The following GATD1 variants were observed in gnomAD, a reference collection of about 807,000 sequenced individuals.
The protein encoded by GATD1 is glutamine amidotransferase-like class 1 domain-containing protein 1.
In GATD1, 23 loss-of-function variants were observed where a neutral mutation model predicts 25.9. The observed-to-expected ratio is 0.89, with a 90% CI of 0.64 to 1.26. The LOEUF is 1.26. Ranked by LOEUF, GATD1 falls within the 50% of genes most tolerant of loss-of-function variation. The probability of loss-of-function intolerance (pLI) is 0.00; values close to 1 mark genes in which losing one functional copy is unlikely to be tolerated. For synonymous variants in GATD1, 177 were observed against 134.6 expected (o/e 1.31, Z -2.18); for missense variants, 347 against 312.5 (o/e 1.11, Z -0.83).
chr11:771,934 G>A (rs1344856975), intron 5 of GATD1, among the ~76,000 whole-genome samples: 3 of 152,192 alleles, frequency 2.0e-5, no homozygotes, highest in South Asian at 2.1e-4. Flanking sequence ...ACCAGCCTCC[G>A]CACAGCAGCC....
In GATD1 at chr11:770,683, G is replaced by C. The variant is rs527263765; in HGVS notation, c.*214C>G. 1 of 1,425,250 alleles carries C rather than the reference G, an allele frequency of 7.0e-7. No individual in the cohort carries two copies. Among genetic ancestry groups the C allele is most frequent in the African/African-American group, 1.4e-5 (1 of 69,670 alleles). 88.3% of individuals were successfully genotyped at this position (1,425,250 alleles called of 1,614,324 possible). A position where few individuals can be genotyped will look rare whatever the true frequency, so the allele number is the denominator to read the frequency against. On this transcript the variant is annotated 3_prime_UTR_variant, in exon 8 of 8. Coordinates refer to ENST00000319863, the MANE Select transcript of GATD1 (RefSeq NM_182612.4). ...GGTCTTTTCTCTGCCTCCTACCAGA[G>C]AACATGCAGGAGGATGGGGGTTTGG...
At chr11:774,219 G>A in intron 2 of GATD1, 106 bp from the exon 3 acceptor site, 1 of 908,318 alleles carries the variant, frequency 1.1e-6, no homozygotes, top group Middle Eastern at 2.3e-4. Context: ...ATCCCCCTGA[G>A]GCACAAAGGC....
chr11:775,976 CTTTTTTTTTTTTT>C (rs71022972), intron 1 of GATD1, among the ~76,000 whole-genome samples: 11 of 72,278 alleles, frequency 1.5e-4, no homozygotes, highest in South Asian at 5.5e-4. Context: ...TATCTTCATT[CTTTTTTTTTTTTT>C]TTTTTTTTTT....
chr11:773,553 G>A lies in GATD1; in HGVS notation c.324C>T (p.Ala108=). The change falls in exon 4 of 8, where the codon GCC becomes GCT. Residue 108 remains alanine (A), a synonymous_variant. Transcript: ENST00000319863. ...LTDLASSGSL[A]RILQHFHSES... ...CAGAGTGGAAGTGCTGCAGGATACG[G>A]GCCAGGGAGCCACTGCTGGCCAGGT... The A allele has an allele frequency of 6.2e-7, 1 of 1,610,418 alleles. No individual in the cohort carries two copies. The highest frequency in any genetic ancestry group is 1.1e-5 in the South Asian group (1 of 90,812).
rs1370708966 is a variant in GATD1 at position 768,159 on chromosome 11, G to A, written c.*2738C>T. 6.6e-6 allele frequency: 1 copy of A among 151,800 alleles called. No homozygotes were observed. The highest frequency in any genetic ancestry group is 1.5e-5 in the Non-Finnish European group (1 of 67,994). 9.4% of individuals were successfully genotyped at this position (151,800 alleles called of 1,614,324 possible). On this transcript the variant is annotated 3_prime_UTR_variant, in exon 8 of 8. Coordinates refer to ENST00000319863, the MANE Select transcript of GATD1 (RefSeq NM_182612.4). ...AGCCACCGTGCCCGGCCAGTTTACA[G>A]TATTTTCTTATAGGAGCCCAAATGG...
rs981135055 is a variant in GATD1, at chr11:777,449, C to G, written c.14G>C (p.Arg5Pro). MASERLPNRPACLLV... is the reference protein window; with the variant it reads MASEPLPNRPACLLV... The stretch of plus-strand genomic sequence containing the variant: ...CAGACAGGCGGGCCTGTTAGGGAGC[C>G]GCTCGGACGCCATGGCTCGGGCTCG... Residue 5 changes from arginine (R) to proline (P), a missense_variant, in exon 1 of 8, where the codon CGG (arginine) becomes CCG (proline). Arg to Pro is a moderately radical substitution (Grantham distance 103, BLOSUM62 -2). Transcript: ENST00000319863. 3 of 1,251,104 alleles carry G rather than the reference C, an allele frequency of 2.4e-6. No homozygotes were observed. Among genetic ancestry groups the G allele is most frequent in the Non-Finnish European group, 2.0e-6 (2 of 997,616 alleles). The allele number at this position is 1,251,104 out of a possible 1,614,324, so 77.5% of individuals were successfully genotyped here. A position where few individuals can be genotyped will look rare whatever the true frequency, so the allele number is the denominator to read the frequency against.
In GATD1 at chr11:775,091, A is replaced by G. The variant is rs1420339875; in HGVS notation, c.116T>C (p.Phe39Ser). Residue 39 changes from phenylalanine to serine, a missense_variant, in exon 2 of 8, where the codon TTC becomes TCC. Phe to Ser is a radical substitution (Grantham distance 155). Coordinates refer to ENST00000319863, the MANE Select transcript of GATD1 (RefSeq NM_182612.4). The stretch of plus-strand genomic sequence containing the variant: ...CCCAGGGGTGGCCACCTGCAGGTTG[A>G]AGGCGGTGCTGGCCATCGTGAAACA... ...LHCFTMASTA[F>S]NLQVATPGGK... The G allele has an allele frequency of 6.2e-7, 1 of 1,605,272 alleles. No individual in the cohort carries two copies. Among genetic ancestry groups the G allele is most frequent in the Non-Finnish European group, 8.5e-7 (1 of 1,177,068 alleles).
In GATD1 at chr11:771,345, CGCCCGAATCCTTCACGAA is replaced by C. The variant is rs1277120575; in HGVS notation, c.514_531del (p.Phe172_Gly177del). 2 of 1,597,516 alleles carry C rather than the reference CGCCCGAATCCTTCACGAA, an allele frequency of 1.3e-6. No homozygotes were observed. Among genetic ancestry groups the C allele is most frequent in the East Asian group, 4.5e-5 (2 of 44,674 alleles). ...CCTCGAGGCTCACCACTGAAGCAGG[CGCCCGAATCCTTCACGAA>C]GTCCTCCACCACGAGCGGCAGGCGG... is the stretch of plus-strand genomic sequence containing the variant. On this transcript the variant is annotated inframe_deletion, in exon 6 of 8. Transcript: ENST00000319863.
chr11:773,213 CAG>C, intron 4 of GATD1: 1 of 363,282 alleles, frequency 2.8e-6, no homozygotes, highest in Non-Finnish European at 5.1e-6. Flanking sequence ...GCCCCAAGCC[CAG>C]CCCTGGATGC....
chr11:772,778 C>T (rs192194101), intron 4 of GATD1, among the ~76,000 whole-genome samples: 4 of 152,314 alleles, frequency 2.6e-5, no homozygotes, highest in East Asian at 3.9e-4. Context: ...TTTTGGCAGC[C>T]GAGACACACG....
rs1590079471 is a variant in GATD1, at chr11:769,662, T to G, written c.*1235A>C. The stretch of plus-strand genomic sequence containing the variant: ...TCTCACTCTATTGCCCAGGCTGGAG[T>G]GCAGTGGCACGATCTCAGCTCACTG... On this transcript the variant is annotated 3_prime_UTR_variant, in exon 8 of 8. Coordinates refer to ENST00000319863, the MANE Select transcript of GATD1 (RefSeq NM_182612.4). 6.6e-6 allele frequency: 1 copy of G among 150,876 alleles called. No individual in the cohort carries two copies. Among genetic ancestry groups the G allele is most frequent in the South Asian group, 2.1e-4 (1 of 4,768 alleles). The allele number at this position is 150,876 out of a possible 1,614,324, so 9.3% of individuals were successfully genotyped here. A position where few individuals can be genotyped will look rare whatever the true frequency, so the allele number is the denominator to read the frequency against.
intron 6 of GATD1, 41 bp downstream of exon 6, chr11:771,292 C>A (rs760617834): frequency 4.4e-6 from 7 of 1,596,904 alleles, no homozygotes; most frequent in Non-Finnish European, 4.3e-6. Context: ...AAGCCCCCCA[C>A]CCCATCTTCT....
At position 770,802 on chromosome 11, in the gene GATD1, T is replaced by G; in HGVS notation, c.*95A>C. The G allele has an allele frequency of 6.5e-7, 1 of 1,541,410 alleles. No individual in the cohort carries two copies. The highest frequency in any genetic ancestry group is 1.2e-5 in the South Asian group (1 of 80,624). On this transcript the variant is annotated 3_prime_UTR_variant, in exon 8 of 8. Transcript: ENST00000319863. ...AGACCAGGCTGCCATCCAGGGCCCT[T>G]GTCAGGAGGGAAGAGGCGGGGTCCC...
chr11:770,199 T>G lies in GATD1; in HGVS notation c.*698A>C. Reference sequence around the variant, plus strand: ...TGATAGCCGCTCTACCCGAGGCCACTGTGCAAGGCCGTGGGGGACAGCACT... The same window carrying G: ...TGATAGCCGCTCTACCCGAGGCCACGGTGCAAGGCCGTGGGGGACAGCACT... On this transcript the variant is annotated 3_prime_UTR_variant, in exon 8 of 8. Coordinates refer to ENST00000319863, the MANE Select transcript of GATD1 (RefSeq NM_182612.4). 1 of 1,297,076 alleles carries G rather than the reference T, an allele frequency of 7.7e-7. No individual in the cohort carries two copies. The highest frequency in any genetic ancestry group is 9.8e-7 in the Non-Finnish European group (1 of 1,019,568). The allele number at this position is 1,297,076 out of a possible 1,614,324, so 80.3% of individuals were successfully genotyped here.
Position 769,357 on chromosome 11 carries a change from A to G in GATD1, c.*1540T>C. The stretch of plus-strand genomic sequence containing the variant: ...TTATTTTTGAGACGGAGTTTCACTC[A>G]TTGCCCAGGTTGGAGTGCAATGGCG... On this transcript the variant is annotated 3_prime_UTR_variant, in exon 8 of 8. Coordinates refer to ENST00000319863, the MANE Select transcript of GATD1 (RefSeq NM_182612.4). 1 of 948,956 alleles carries G rather than the reference A, an allele frequency of 1.1e-6. No homozygotes were observed. Among genetic ancestry groups the G allele is most frequent in the Non-Finnish European group, 1.3e-6 (1 of 796,852 alleles). 58.8% of individuals were successfully genotyped at this position (948,956 alleles called of 1,614,324 possible). A position where few individuals can be genotyped will look rare whatever the true frequency, so the allele number is the denominator to read the frequency against.
chr11:773,242 G>C lies in GATD1; in HGVS notation c.355+280C>G, dbSNP rs949400141. The C allele has an allele frequency of 7.5e-6, 3 of 398,760 alleles. No homozygotes were observed. The Admixed American group carries it at 1.4e-4, about 18-fold the overall frequency. The allele number at this position is 398,760 out of a possible 1,614,324, so 24.7% of individuals were successfully genotyped here. ...CCTGGATGCCAGGCTTTCCCAGAAG[G>C]AATCAGGCCGGTGTCCTGCCTTGCT... On this transcript the variant is annotated intron_variant, in intron 4 of 7. Coordinates refer to ENST00000319863, the MANE Select transcript of GATD1 (RefSeq NM_182612.4).
Position 769,972 on chromosome 11 carries a change from G to C in GATD1, c.*925C>G, listed in dbSNP as rs1249862300. On this transcript the variant is annotated 3_prime_UTR_variant, in exon 8 of 8. Coordinates refer to ENST00000319863, the MANE Select transcript of GATD1 (RefSeq NM_182612.4). ...TCCTGGCAGGTCACTGGCACCAGGA[G>C]CCACGCTGGTGCTTGGGAACGGCTG... 1 of 1,021,830 alleles carries C rather than the reference G, an allele frequency of 9.8e-7. No individual in the cohort carries two copies. Among genetic ancestry groups the C allele is most frequent in the African/African-American group, 1.7e-5 (1 of 58,632 alleles). The allele number at this position is 1,021,830 out of a possible 1,614,324, so 63.3% of individuals were successfully genotyped here.
chr11:775,169 C>T (rs2133644412), intron 1 of GATD1, 27 bp from the exon 2 acceptor site: 2 of 1,575,566 alleles, frequency 1.3e-6, no homozygotes, highest in Non-Finnish European at 1.7e-6. Context: ...TGAGTGTGGG[C>T]TCGACAGGAC....
intron 5 of GATD1, among the ~76,000 whole-genome samples, chr11:772,056 G>A (rs778879366): frequency 5.9e-5 from 9 of 152,154 alleles, no homozygotes; most frequent in Non-Finnish European, 1.3e-4. Flanking sequence ...CTGTGTCTCC[G>A]AGGACACCCT....
Sources: allele counts gnomAD v4.1 joint callset (sites outside exome capture counted in the v4.1 genomes callset), GRCh38; gene constraint gnomAD v4.1.1; transcripts MANE v1.5; gene names NCBI Gene and HGNC (gene_info 2026-07-23, HGNC 2026-07-21).